Variants in ANGPT2 observed in about 807,000 individuals in gnomAD.
ANGPT2 encodes the protein angiopoietin 2, also known as angiopoietin-2.
ANGPT2 carries 28 observed loss-of-function variants against 62.9 expected under a neutral mutation model. The ratio of observed to expected loss-of-function variants is 0.44; its 90% CI spans 0.33 to 0.61. The LOEUF (loss-of-function observed/expected upper bound fraction) is 0.61, where lower values mean the gene tolerates loss of function less well. ANGPT2 is among the 20% of genes least tolerant of loss of function. The pLI is 0.03. For synonymous variants in ANGPT2, 284 were observed against 207.8 expected (o/e 1.37, Z -3.15); for missense variants, 727 against 594.9 (o/e 1.22, Z -2.31).
intron 4 of ANGPT2, among the ~76,000 whole-genome samples, chr8:6,520,777 A>C (rs1817176104): frequency 6.6e-6 from 1 of 152,250 alleles, no homozygotes; most frequent in Admixed American, 6.5e-5. Flanking sequence ...TGGCAAGATA[A>C]GGGAACTAGC....
chr8:6,531,437 C>T (rs1046233207), intron 2 of ANGPT2, among the ~76,000 whole-genome samples: 12 of 151,840 alleles, frequency 7.9e-5, no homozygotes, highest in African/African-American at 1.7e-4. Context: ...TGCAGATGCC[C>T]GCCACCACAC....
Position 6,546,546 on chromosome 8 carries a change from T to TA in ANGPT2, c.289-14060dup, listed in dbSNP as rs398112155. Among the ~76,000 whole-genome samples, 46 of 151,970 alleles carry TA rather than the reference T, an allele frequency of 3.0e-4. 1 individual carries two copies. The highest frequency in any genetic ancestry group is 2.2e-3 in the Admixed American group (34 of 15,264). ...AGAAAGAAAATAAAGGATCTTTTTT[T>TA]AAAACTCAATTTATATGTATATTGG... On this transcript the variant is annotated intron_variant, in intron 1 of 8. Coordinates refer to ENST00000629816, the MANE Select transcript of ANGPT2 (RefSeq NM_001118887.2).
In ANGPT2 at chr8:6,527,586, T is replaced by G; in HGVS notation, c.535A>C (p.Ser179Arg). ...TTATCTTGCAATTTGTTTATTTCACTGGTCTGGTCCAAAATCTGTTTTTCC... is the reference window on the plus strand; with the variant it reads ...TTATCTTGCAATTTGTTTATTTCACGGGTCTGGTCCAAAATCTGTTTTTCC... ...KLEKQILDQT[S>R]EINKLQDKNS... Residue 179 changes from serine (S) to arginine (R), a missense_variant, in exon 3 of 9, where the codon AGT becomes CGT. Physicochemically the swap from Ser to Arg is moderately radical, Grantham distance 110. Coordinates refer to ENST00000629816, the MANE Select transcript of ANGPT2 (RefSeq NM_001118887.2). 2 of 1,614,076 alleles carry G rather than the reference T, an allele frequency of 1.2e-6. No homozygotes were observed. The highest frequency in any genetic ancestry group is 1.7e-6 in the Non-Finnish European group (2 of 1,179,982).
chr8:6,543,059 G>A (rs1290451612), intron 1 of ANGPT2, among the ~76,000 whole-genome samples: 2 of 152,104 alleles, frequency 1.3e-5, no homozygotes, highest in African/African-American at 2.4e-5. Context: ...AGGGCTGTGC[G>A]TGCCCTGCCG....
At chr8:6,559,485 T>G (rs1825179987) in intron 1 of ANGPT2, among the ~76,000 whole-genome samples, 1 of 152,220 alleles carries the variant, frequency 6.6e-6, no homozygotes, top group East Asian at 1.9e-4. Flanking sequence ...CTTTCCAGCC[T>G]GTTCTTGTGT....
chr8:6,512,365 G>A (rs942413165), intron 7 of ANGPT2, among the ~76,000 whole-genome samples: 7 of 152,176 alleles, frequency 4.6e-5, no homozygotes, highest in African/African-American at 1.7e-4. Context: ...GACTGTTCAG[G>A]TCGTGGAGCG....
At chr8:6,535,611 A>G (rs934203208) in intron 1 of ANGPT2, among the ~76,000 whole-genome samples, 1 of 152,224 alleles carries the variant, frequency 6.6e-6, no homozygotes, top group Non-Finnish European at 1.5e-5. Context: ...GTCTATAAAT[A>G]TATACAGCTC....
chr8:6,526,067 C>G (rs1393727399), intron 3 of ANGPT2, among the ~76,000 whole-genome samples: 1 of 151,950 alleles, frequency 6.6e-6, no homozygotes, highest in Non-Finnish European at 1.5e-5. Flanking sequence ...TCTCCAGCTC[C>G]CATGTGTTCC....
At chr8:6,529,385 A>G (rs956901537) in intron 2 of ANGPT2, among the ~76,000 whole-genome samples, 1 of 152,064 alleles carries the variant, frequency 6.6e-6, no homozygotes, top group Non-Finnish European at 1.5e-5. Context: ...CTGCTCAGCA[A>G]GTACCTTCAA....
chr8:6,547,488 A>G (rs1371395489), intron 1 of ANGPT2, among the ~76,000 whole-genome samples: 1 of 152,118 alleles, frequency 6.6e-6, no homozygotes, highest in African/African-American at 2.4e-5. Flanking sequence ...GCATGCTTGA[A>G]TTTTTACTCA....
intron 8 of ANGPT2, among the ~76,000 whole-genome samples, chr8:6,505,179 T>TATATATATATATACTTATGTATATATAGA: frequency 8.2e-6 from 1 of 122,648 alleles, no homozygotes; most frequent in South Asian, 2.8e-4. Flanking sequence ...CCAAAGAATA[T>TATATATATATATACTTATGTATATATAGA]ATATATATAT....
chr8:6,542,204 C>A (rs543395713), intron 1 of ANGPT2, among the ~76,000 whole-genome samples: 1 of 152,054 alleles, frequency 6.6e-6, no homozygotes, highest in Admixed American at 6.6e-5. Flanking sequence ...AACAAAATGT[C>A]TCAGTGTTTT....
chr8:6,537,106 A>G (rs1187157499), intron 1 of ANGPT2, among the ~76,000 whole-genome samples: 1 of 152,040 alleles, frequency 6.6e-6, no homozygotes, highest in Non-Finnish European at 1.5e-5. Flanking sequence ...CAGTTCCAAG[A>G]TACTTGAACC....
chr8:6,503,030 G>T lies in ANGPT2; in HGVS notation c.*71C>A. 6.4e-7 allele frequency: 1 copy of T among 1,574,604 alleles called. No homozygotes were observed. Among genetic ancestry groups the T allele is most frequent in the Non-Finnish European group, 8.7e-7 (1 of 1,152,904 alleles). ...GTGGAAGAGGACACAGTGCGCAGCC[G>T]TGACTTTCAGTGCACTGGGCTTAAG... On this transcript the variant is annotated 3_prime_UTR_variant, in exon 9 of 9. Transcript: ENST00000629816.
intron 4 of ANGPT2, among the ~76,000 whole-genome samples, chr8:6,520,846 ATAT>A (rs1345889421): frequency 2.6e-5 from 4 of 152,336 alleles, no homozygotes; most frequent in African/African-American, 4.8e-5. Context: ...CATGGGTCTG[ATAT>A]TATTTTTCCC....
Position 6,501,877 on chromosome 8 carries a change from A to G in ANGPT2, c.*1224T>C, listed in dbSNP as rs144431863. The G allele has an allele frequency of 2.6e-5, 4 of 151,804 alleles. No individual in the cohort carries two copies. Among genetic ancestry groups the G allele is most frequent in the Non-Finnish European group, 5.9e-5 (4 of 67,918 alleles). 9.4% of individuals were successfully genotyped at this position (151,804 alleles called of 1,614,324 possible). On this transcript the variant is annotated 3_prime_UTR_variant, in exon 9 of 9. Coordinates refer to ENST00000629816, the MANE Select transcript of ANGPT2 (RefSeq NM_001118887.2). The stretch of plus-strand genomic sequence containing the variant: ...AGCCCTGTGTTCTCAAATTTTTGGT[A>G]AATATTTAAATATATTATGAACATC...
At chr8:6,514,390 A>G (rs887203856) in intron 6 of ANGPT2, among the ~76,000 whole-genome samples, 2 of 152,074 alleles carry the variant, frequency 1.3e-5, no homozygotes. Flanking sequence ...GAGTTTTGTT[A>G]TGTTGGCCAA....
intron 5 of ANGPT2, among the ~76,000 whole-genome samples, chr8:6,516,876 C>A (rs1816369640): frequency 6.6e-6 from 1 of 152,056 alleles, no homozygotes; most frequent in Non-Finnish European, 1.5e-5. Context: ...AAGTCAGAGG[C>A]AAAACTCTTA....
At chr8:6,554,761 G>A (rs565404578) in intron 1 of ANGPT2, among the ~76,000 whole-genome samples, 9 of 152,198 alleles carry the variant, frequency 5.9e-5, no homozygotes, top group East Asian at 3.9e-4. Context: ...CGGAGGGAGC[G>A]GGAGAGTCCA....
Sources: allele counts gnomAD v4.1 joint callset (sites outside exome capture counted in the v4.1 genomes callset), GRCh38; gene constraint gnomAD v4.1.1; transcripts MANE v1.5; gene names NCBI Gene and HGNC (gene_info 2026-07-23, HGNC 2026-07-21).